Variants in PCDH15 observed in about 807,000 individuals in gnomAD.
PCDH15 encodes protocadherin-15.
A neutral mutation model predicts 178.5 loss-of-function variants in PCDH15; 129 were observed. That is an observed-to-expected ratio of 0.72 (90% confidence interval 0.63 to 0.84). The LOEUF (loss-of-function observed/expected upper bound fraction) is 0.84, where lower values mean the gene tolerates loss of function less well. Ranked by LOEUF, PCDH15 falls within the 40% of genes least tolerant of loss-of-function variation. The pLI is 0.00. For synonymous variants in PCDH15, 800 were observed against 732.0 expected (o/e 1.09, Z -1.50); for missense variants, 2,230 against 2,099.9 (o/e 1.06, Z -1.21).
chr10:54,580,607 A>C (rs555458606), intron 2 of PCDH15, among the ~76,000 whole-genome samples: 183 of 152,210 alleles, frequency 1.2e-3, no homozygotes, highest in Middle Eastern at 3.4e-3. Flanking sequence ...TGAAGCCAGC[A>C]TCACCCTGAT....
At chr10:53,848,898 T>G (rs147147497) in intron 28 of PCDH15, among the ~76,000 whole-genome samples, 128 of 152,218 alleles carry the variant, frequency 8.4e-4, no homozygotes, top group African/African-American at 2.8e-3. Flanking sequence ...AAAGGCAACA[T>G]AAACATATTT....
intron 2 of PCDH15, among the ~76,000 whole-genome samples, chr10:54,917,165 T>C (rs184570277): frequency 1.5e-4 from 23 of 152,318 alleles, no homozygotes; most frequent in African/African-American, 5.5e-4. Flanking sequence ...AGAACATATG[T>C]ATTGTATAAT....
At chr10:53,938,635 G>T (rs1383304462) in intron 25 of PCDH15, among the ~76,000 whole-genome samples, 180 bp downstream of exon 25, 2 of 152,072 alleles carry the variant, frequency 1.3e-5, no homozygotes, top group East Asian at 3.9e-4. Flanking sequence ...TCAGGAGTAT[G>T]AAATCACTCC....
chr10:54,925,050 T>C (rs963880582), intron 2 of PCDH15, among the ~76,000 whole-genome samples: 1 of 152,202 alleles, frequency 6.6e-6, no homozygotes, highest in Admixed American at 6.5e-5. Context: ...ATTGCCAAGG[T>C]TGTCTTCTAG....
chr10:54,317,468 G>A (rs747774230), intron 7 of PCDH15, 27 bp from the exon 8 acceptor site: 1 of 1,612,324 alleles, frequency 6.2e-7, no homozygotes, highest in African/African-American at 1.3e-5. Flanking sequence ...CAAACAACAG[G>A]TAGTTTATAG....
intron 2 of PCDH15, among the ~76,000 whole-genome samples, chr10:55,156,031 C>A (rs1838451): frequency 0.4 from 60,941 of 151,900 alleles, 12,911 homozygotes; most frequent in African/African-American, 0.54. Flanking sequence ...CACGTGATCA[C>A]AGGAAACCCA....
At chr10:53,913,455 C>T (rs762702197) in intron 25 of PCDH15, among the ~76,000 whole-genome samples, 7 of 151,810 alleles carry the variant, frequency 4.6e-5, no homozygotes, top group East Asian at 1.9e-4. Flanking sequence ...AGCTTCTAGC[C>T]GGGCGCGGTG....
At chr10:54,445,334 A>C (rs578214025) in intron 3 of PCDH15, among the ~76,000 whole-genome samples, 2 of 151,562 alleles carry the variant, frequency 1.3e-5, no homozygotes, top group South Asian at 4.1e-4. Context: ...TAGAAGTAAA[A>C]TTTTGTTTAG....
At chr10:54,487,045 T>G (rs188874888) in intron 3 of PCDH15, among the ~76,000 whole-genome samples, 1 of 152,204 alleles carries the variant, frequency 6.6e-6, no homozygotes, top group East Asian at 1.9e-4. Flanking sequence ...TACTTGTCAT[T>G]ATTATATATT....
intron 8 of PCDH15, among the ~76,000 whole-genome samples, chr10:54,259,187 A>C (rs1324932763): frequency 6.6e-6 from 1 of 152,248 alleles, no homozygotes; most frequent in Non-Finnish European, 1.5e-5. Context: ...CATGGCATTT[A>C]ACAGGCCTAC....
chr10:54,211,656 T>C (rs900643238), intron 10 of PCDH15, among the ~76,000 whole-genome samples: 5 of 152,132 alleles, frequency 3.3e-5, no homozygotes, highest in Non-Finnish European at 7.4e-5. Flanking sequence ...AGACTTCATT[T>C]TATTTTTTCT....
intron 6 of PCDH15, among the ~76,000 whole-genome samples, chr10:54,335,497 G>C (rs1588889861): frequency 6.6e-6 from 1 of 152,236 alleles, no homozygotes; most frequent in East Asian, 1.9e-4. Flanking sequence ...TTGTGGGAGG[G>C]AGCTGGTGTG....
intron 1 of PCDH15, among the ~76,000 whole-genome samples, chr10:54,746,215 G>T (rs1202964650): frequency 6.6e-6 from 1 of 152,136 alleles, no homozygotes; most frequent in African/African-American, 2.4e-5. Flanking sequence ...CCTGCTGGAT[G>T]ATTTGCGCCC....
intron 2 of PCDH15, among the ~76,000 whole-genome samples, chr10:55,084,160 T>G (rs1458340259): frequency 6.6e-6 from 1 of 151,902 alleles, no homozygotes; most frequent in Non-Finnish European, 1.5e-5. Flanking sequence ...TCACATTAGC[T>G]GACTTCAAAT....
chr10:53,981,963 A>G (rs1440136001), intron 21 of PCDH15, among the ~76,000 whole-genome samples: 1 of 152,084 alleles, frequency 6.6e-6, no homozygotes. Flanking sequence ...GAACTCAAAC[A>G]AATTTACAAG....
At chr10:55,238,296 C>T (rs1209635442) in intron 1 of PCDH15, among the ~76,000 whole-genome samples, 2 of 151,772 alleles carry the variant, frequency 1.3e-5, no homozygotes, top group Non-Finnish European at 2.9e-5. Context: ...ATTACAGGCA[C>T]CCGCTACCAC....
At chr10:55,408,980 T>C (rs1463408178) in intron 2 of PCDH15, among the ~76,000 whole-genome samples, 1 of 152,178 alleles carries the variant, frequency 6.6e-6, no homozygotes, top group Non-Finnish European at 1.5e-5. Flanking sequence ...TTTATCCTAA[T>C]TCACTTGACA....
chr10:54,421,979 G>T (rs1955582845), intron 3 of PCDH15, among the ~76,000 whole-genome samples: 1 of 141,888 alleles, frequency 7.0e-6, no homozygotes, highest in South Asian at 2.2e-4. Flanking sequence ...GGAGGGCATT[G>T]TTAATCCTTT....
intron 28 of PCDH15, among the ~76,000 whole-genome samples, chr10:53,846,681 C>T (rs1306876106): frequency 6.6e-6 from 1 of 151,880 alleles, no homozygotes; most frequent in Non-Finnish European, 1.5e-5. Context: ...TATCCAGTTA[C>T]CTGTATATAC....
Sources: gnomAD v4.1 joint callset for allele counts (sites outside exome capture counted in the v4.1 genomes callset) on GRCh38, gnomAD v4.1.1 for gene constraint, MANE v1.5 for transcripts, NCBI Gene and HGNC (gene_info 2026-07-23, HGNC 2026-07-21) for gene names.